The following SGO2 variants were observed in gnomAD, a reference collection of about 807,000 sequenced individuals.
SGO2 encodes the protein shugoshin-like 2.
Under a neutral mutation model 99.5 loss-of-function variants are expected in SGO2, and 68 were observed. The ratio of observed to expected loss-of-function variants is 0.68; its 90% CI spans 0.56 to 0.84. The LOEUF (loss-of-function observed/expected upper bound fraction) is 0.84. SGO2 is among the 40% of genes least tolerant of loss of function. The pLI is 0.00. For missense variants in SGO2, 1,350 were observed against 1,436.7 expected, an observed-to-expected ratio of 0.94 and a Z score of 0.97; for synonymous variants, 457 against 487.1, an observed-to-expected ratio of 0.94 and a Z score of 0.81.
chr2:200,542,125 A>T (rs1299114486), intron 4 of SGO2, among the ~76,000 whole-genome samples: 1 of 152,184 alleles, frequency 6.6e-6, no homozygotes, highest in East Asian at 1.9e-4. Context: ...TTTATTAATA[A>T]TTAAAACATG....
At chr2:200,535,373 C>T (rs926868436) in intron 3 of SGO2, among the ~76,000 whole-genome samples, 1 of 152,056 alleles carries the variant, frequency 6.6e-6, no homozygotes, top group Non-Finnish European at 1.5e-5. Flanking sequence ...TAAATGTGTG[C>T]TTGTGTGCTG....
chr2:200,573,268 T>C lies in SGO2; in HGVS notation c.2922T>C (p.Asp974=). 1 of 1,600,284 alleles carries C rather than the reference T, an allele frequency of 6.2e-7. No homozygotes were observed. Among genetic ancestry groups the C allele is most frequent in the Non-Finnish European group, 8.5e-7 (1 of 1,176,238 alleles). Residue 974 remains aspartate, a synonymous_variant, in exon 7 of 9, where the codon GAT becomes GAC. Transcript: ENST00000357799. ...ACAGTAATGAAAAGGAAAGTTGTGA[T>C]CAAATTTTAGATTCCTACAAAGTAG... The part of the protein sequence containing the change: ...EVNSNEKESC[D]QILDSYKVVK...
intron 1 of SGO2, chr2:200,532,316 G>A: frequency 1.9e-6 from 1 of 521,900 alleles, no homozygotes; most frequent in Non-Finnish European, 2.4e-6. Flanking sequence ...TCTTCAGATG[G>A]AGGCAAGGAG....
intron 8 of SGO2, among the ~76,000 whole-genome samples, chr2:200,578,439 G>T (rs2033737342): frequency 6.6e-6 from 1 of 152,106 alleles, no homozygotes; most frequent in South Asian, 2.1e-4. Context: ...CTCTGCTTAG[G>T]GTCTGACAAA....
chr2:200,575,425 G>A lies in SGO2; in HGVS notation c.3746G>A (p.Cys1249Tyr). Residue 1249 changes from cysteine to tyrosine, a missense_variant, in exon 8 of 9, where the codon TGT becomes TAT. Coordinates refer to ENST00000357799, the MANE Select transcript of SGO2 (RefSeq NM_152524.6). ...GAACGGACAAGCAGAAGAAGAAGGT[G>A]TACTCCTTTCTATTTTAAAGAGCCA... ...SSERTSRRRR[C>Y]TPFYFKEPSL... is the part of the protein sequence containing the mutation. 1 of 1,598,868 alleles carries A rather than the reference G, an allele frequency of 6.3e-7. No homozygotes were observed. The highest frequency in any genetic ancestry group is 1.7e-4 in the Middle Eastern group (1 of 5,938).
At chr2:200,551,117 T>C (rs2032468307) in intron 5 of SGO2, among the ~76,000 whole-genome samples, 1 of 152,080 alleles carries the variant, frequency 6.6e-6, no homozygotes, top group Admixed American at 6.5e-5. Context: ...ATCTAGCAAT[T>C]CCATTGCTGA....
intron 5 of SGO2, chr2:200,543,559 G>A (rs1387983232): frequency 6.6e-6 from 1 of 152,082 alleles, no homozygotes; most frequent in Non-Finnish European, 1.5e-5. Flanking sequence ...TTACTTAAGT[G>A]CACAAGTAAA....
intron 5 of SGO2, among the ~76,000 whole-genome samples, chr2:200,566,392 G>T (rs558369688): frequency 6.6e-6 from 1 of 152,258 alleles, no homozygotes; most frequent in East Asian, 1.9e-4. Flanking sequence ...AGCAAATATT[G>T]CAGAATGGCA....
intron 3 of SGO2, among the ~76,000 whole-genome samples, chr2:200,535,654 A>G (rs1442866763): frequency 6.6e-6 from 1 of 152,122 alleles, no homozygotes; most frequent in Non-Finnish European, 1.5e-5. Context: ...GGCTGCAACT[A>G]TAGATCTAAA....
intron 5 of SGO2, among the ~76,000 whole-genome samples, chr2:200,545,717 G>A (rs73987482): frequency 3.3e-5 from 5 of 152,168 alleles, no homozygotes; most frequent in African/African-American, 1.2e-4. Context: ...TGCCAGGCCC[G>A]AACTATGTGG....
At chr2:200,562,190 G>T (rs2033000288) in intron 5 of SGO2, among the ~76,000 whole-genome samples, 1 of 152,156 alleles carries the variant, frequency 6.6e-6, no homozygotes, top group Non-Finnish European at 1.5e-5. Context: ...ATGGTTTTAG[G>T]TCTAACATGT....
intron 5 of SGO2, among the ~76,000 whole-genome samples, chr2:200,555,386 C>T (rs575860953): frequency 2.0e-4 from 30 of 152,224 alleles, no homozygotes; most frequent in African/African-American, 7.0e-4. Context: ...TTTCTAGGGC[C>T]TAATAAGCAG....
intron 2 of SGO2, chr2:200,533,517 A>ATGTGTGTGTG (rs751624851): frequency 5.3e-4 from 35 of 65,568 alleles, no homozygotes; most frequent in East Asian, 1.2e-3. Context: ...TATATAATGT[A>ATGTGTGTGTG]TATGTGTGTG....
Position 200,536,119 on chromosome 2 carries a change from A to C in SGO2, c.364A>C (p.Ile122Leu). The C allele has an allele frequency of 6.3e-7, 1 of 1,596,744 alleles. No homozygotes were observed. Among genetic ancestry groups the C allele is most frequent in the Non-Finnish European group, 8.6e-7 (1 of 1,168,164 alleles). ...CATGAACAATAACTTGATAACTGCA[A>C]TTGAAATGAGCAGTCTTTCTGAGGT... Reference protein sequence around the residue: ...ALMNNNLITAIEMSSLSEFHQ... With the variant: ...ALMNNNLITALEMSSLSEFHQ... The change falls in exon 4 of 9, where the codon ATT (isoleucine) becomes CTT (leucine). Residue 122 changes from isoleucine to leucine, a missense_variant. By Grantham distance (5) the Ile-to-Leu change is conservative. Coordinates refer to ENST00000357799, the MANE Select transcript of SGO2 (RefSeq NM_152524.6).
chr2:200,566,006 G>T (rs1405005810), intron 5 of SGO2, among the ~76,000 whole-genome samples: 1 of 152,186 alleles, frequency 6.6e-6, no homozygotes, highest in Non-Finnish European at 1.5e-5. Flanking sequence ...CGATGGGTTT[G>T]AACATCCTCC....
At chr2:200,543,797 TC>T (rs944638219) in intron 5 of SGO2, among the ~76,000 whole-genome samples, 12 of 152,374 alleles carry the variant, frequency 7.9e-5, no homozygotes, top group African/African-American at 2.9e-4. Context: ...ACGTATTGTT[TC>T]ATATAGATAT....
intron 1 of SGO2, among the ~76,000 whole-genome samples, chr2:200,528,339 A>G (rs1035185643): frequency 1.3e-5 from 2 of 152,204 alleles, no homozygotes; most frequent in Non-Finnish European, 2.9e-5. Context: ...AATAATGTAC[A>G]TGGGAGAGAA....
intron 5 of SGO2, among the ~76,000 whole-genome samples, chr2:200,564,964 T>C (rs2033128692): frequency 6.6e-6 from 1 of 152,338 alleles, no homozygotes; most frequent in East Asian, 1.9e-4. Flanking sequence ...TCGCTGCACA[T>C]GAGATGGGTC....
intron 1 of SGO2, among the ~76,000 whole-genome samples, chr2:200,528,740 A>T (rs2106297718): frequency 6.6e-6 from 1 of 152,336 alleles, no homozygotes; most frequent in Non-Finnish European, 1.5e-5. Flanking sequence ...TGTAAATATA[A>T]AAGAGATGAG....
Sources: allele counts gnomAD v4.1 joint callset (sites outside exome capture counted in the v4.1 genomes callset), GRCh38; gene constraint gnomAD v4.1.1; transcripts MANE v1.5; gene names NCBI Gene and HGNC (gene_info 2026-07-23, HGNC 2026-07-21).